Variants in KIAA1549 observed in about 807,000 individuals in gnomAD.
The protein encoded by KIAA1549 is KIAA1549, also known as UPF0606 protein KIAA1549.
A neutral mutation model predicts 156.4 loss-of-function variants in KIAA1549; 70 were observed. The observed-to-expected ratio is 0.45, with a 90% CI of 0.37 to 0.55. The LOEUF (loss-of-function observed/expected upper bound fraction) is 0.55, where lower values mean the gene tolerates loss of function less well. Ranked by LOEUF, KIAA1549 falls within the 20% of genes least tolerant of loss-of-function variation. The pLI is 0.00. For missense variants in KIAA1549, 2,428 were observed against 2,540.9 expected (o/e 0.96, Z 0.96); for synonymous variants, 1,103 against 1,066.4 (o/e 1.03, Z -0.67).
At chr7:138,868,276 C>G (rs1007671598) in intron 14 of KIAA1549, 148 bp from the exon 15 acceptor site, 2 of 750,952 alleles carry the variant, frequency 2.7e-6, no homozygotes, top group Non-Finnish European at 4.4e-6. Flanking sequence ...GAGACAGTCT[C>G]TGCTCTAAGG....
chr7:138,888,227 G>C (rs1222236944), intron 10 of KIAA1549, among the ~76,000 whole-genome samples: 1 of 152,022 alleles, frequency 6.6e-6, no homozygotes, highest in Non-Finnish European at 1.5e-5. Context: ...TGTATTAAAA[G>C]GAAAAAGGGG....
At chr7:138,895,044 T>A (rs903716748) in intron 9 of KIAA1549, among the ~76,000 whole-genome samples, 2 of 152,218 alleles carry the variant, frequency 1.3e-5, no homozygotes, top group African/African-American at 4.8e-5. Context: ...CCTTCATCTC[T>A]TTCTCCCTTC....
At position 138,917,733 on chromosome 7, in the gene KIAA1549, C is replaced by A. The variant is rs1331337813; in HGVS notation, c.1893G>T (p.Pro631=). The A allele has an allele frequency of 6.3e-7, 1 of 1,590,048 alleles. No individual in the cohort carries two copies. The highest frequency in any genetic ancestry group is 1.3e-5 in the African/African-American group (1 of 74,302). Residue 631 remains proline, a synonymous_variant, in exon 2 of 20, where the codon CCG becomes CCT. Transcript: ENST00000422774. ...DFASSFFSTP[P]LELSGSISSP... is the part of the protein sequence containing the mutation. ...AAGAGATGGAGCCGCTGAGTTCCAG[C>A]GGGGGTGTTGAGAAAAAGCTGGATG...
chr7:138,890,062 T>C (rs1471000685), intron 10 of KIAA1549, among the ~76,000 whole-genome samples: 1 of 152,190 alleles, frequency 6.6e-6, no homozygotes, highest in Non-Finnish European at 1.5e-5. Context: ...AGGACCGAGT[T>C]ATTTCTGAAG....
intron 1 of KIAA1549, among the ~76,000 whole-genome samples, chr7:138,950,052 G>A (rs934928054): frequency 7.2e-5 from 11 of 152,214 alleles, no homozygotes; most frequent in African/African-American, 2.7e-4. Context: ...GTGTTAAAAC[G>A]TGTGTATGGC....
chr7:138,872,917 A>G (rs558739525), intron 12 of KIAA1549, among the ~76,000 whole-genome samples: 1 of 152,274 alleles, frequency 6.6e-6, no homozygotes, highest in African/African-American at 2.4e-5. Flanking sequence ...ACCCCCGCCA[A>G]AAAAAGATCA....
chr7:138,856,290 G>A (rs541509210), intron 16 of KIAA1549, among the ~76,000 whole-genome samples: 2 of 151,080 alleles, frequency 1.3e-5, no homozygotes, highest in South Asian at 2.1e-4. Context: ...CACCCACATC[G>A]GCCTCCCACA....
intron 10 of KIAA1549, among the ~76,000 whole-genome samples, chr7:138,891,609 A>T (rs1584734632): frequency 6.6e-6 from 1 of 152,204 alleles, no homozygotes; most frequent in Admixed American, 6.5e-5. Flanking sequence ...AGACAATCTG[A>T]AGAGGTTTCC....
chr7:138,919,118 G>A lies in KIAA1549; in HGVS notation c.508C>T (p.Arg170Trp), dbSNP rs749148217. 17 of 1,613,914 alleles carry A rather than the reference G, an allele frequency of 1.1e-5. No individual in the cohort carries two copies. The highest frequency in any genetic ancestry group is 1.6e-4 in the Middle Eastern group (1 of 6,084). Residue 170 changes from arginine to tryptophan, a missense_variant, in exon 2 of 20, where the codon CGG becomes TGG. Around this residue, in one of 5 missense-constraint regions of KIAA1549, gnomAD observed 893 missense variants for 847.9 expected, o/e 1.05. Transcript: ENST00000422774. ...FLPDTHWTTP[R>W]MVSPIQYITV... ...ATATACTGTATTGGAGAAACCATCC[G>A]TGGAGTGGTCCAGTGAGTATCTGGC...
At chr7:138,975,693 G>T (rs1814356331) in intron 1 of KIAA1549, among the ~76,000 whole-genome samples, 1 of 152,148 alleles carries the variant, frequency 6.6e-6, no homozygotes, top group African/African-American at 2.4e-5. Context: ...ACAAGAAAAA[G>T]AAATCACATC....
intron 1 of KIAA1549, among the ~76,000 whole-genome samples, chr7:138,958,983 T>C (rs1042950231): frequency 6.6e-6 from 1 of 152,104 alleles, no homozygotes; most frequent in Non-Finnish European, 1.5e-5. Flanking sequence ...CACTGCAACA[T>C]CCGCCTCCCA....
rs114882411 is a variant in KIAA1549 at position 138,906,047 on chromosome 7, G to A, written c.3460+872C>T. On this transcript the variant is annotated intron_variant, in intron 6 of 19. Transcript: ENST00000422774. ...CTAAATTATGCCTTTTCCAGAATTCGTGTACTTTTTGATAGCACCCCTTTA... is the reference window on the plus strand; with the variant it reads ...CTAAATTATGCCTTTTCCAGAATTCATGTACTTTTTGATAGCACCCCTTTA... 4.7e-3 allele frequency among the ~76,000 whole-genome samples: 708 copies of A among 152,196 alleles called. 6 individuals carry two copies. The highest frequency in any genetic ancestry group is 0.016 in the African/African-American group (660 of 41,518).
At chr7:138,871,745 C>T (rs1000960001) in intron 12 of KIAA1549, among the ~76,000 whole-genome samples, 1 of 152,312 alleles carries the variant, frequency 6.6e-6, no homozygotes, top group East Asian at 1.9e-4. Flanking sequence ...ACATTTATAG[C>T]GGCTCTGAAC....
rs1041357237 is a variant in KIAA1549, at chr7:138,837,790, T to C, written c.*116A>G. 2.3e-5 allele frequency: 29 copies of C among 1,247,460 alleles called. No individual in the cohort carries two copies. The Admixed American group carries it at 2.8e-4, about 12-fold the overall frequency. 77.3% of individuals were successfully genotyped at this position (1,247,460 alleles called of 1,614,324 possible). Reference sequence around the variant, plus strand: ...CTAAATTGCAACTTGCTCCCTCCCTTGGGCAGGCTGCCCGAGAGTTGCTCC... The same window carrying C: ...CTAAATTGCAACTTGCTCCCTCCCTCGGGCAGGCTGCCCGAGAGTTGCTCC... On this transcript the variant is annotated 3_prime_UTR_variant, in exon 20 of 20. Coordinates refer to ENST00000422774, the MANE Select transcript of KIAA1549 (RefSeq NM_001164665.2).
At chr7:138,858,466 G>T (rs1210850361) in intron 16 of KIAA1549, among the ~76,000 whole-genome samples, 3 of 152,026 alleles carry the variant, frequency 2.0e-5, no homozygotes, top group African/African-American at 7.2e-5. Flanking sequence ...ATTTGATGCA[G>T]ACATTATTAA....
intron 7 of KIAA1549, 70 bp downstream of exon 7, chr7:138,904,952 T>A: frequency 1.1e-6 from 1 of 908,670 alleles, no homozygotes. Flanking sequence ...AAAGGCAGCA[T>A]CATTCTCAAT....
rs558220105 is a variant in KIAA1549, at chr7:138,958,227, G to A, written c.187+22856C>T. On this transcript the variant is annotated intron_variant, in intron 1 of 19. Coordinates refer to ENST00000422774, the MANE Select transcript of KIAA1549 (RefSeq NM_001164665.2). ...CATCTGCGGGTTCAGCCTGCCTGGC[G>A]CCCACGCCCACCCCAGTCTTGCCTT... Among the ~76,000 whole-genome samples, 8 of 143,648 alleles carry A rather than the reference G, an allele frequency of 5.6e-5. No homozygotes were observed. The South Asian group carries it at 8.8e-4, about 16-fold the overall frequency. The allele number at this position is 143,648 out of a possible 152,430, so 94.2% of individuals were successfully genotyped here. A position where few individuals can be genotyped will look rare whatever the true frequency, so the allele number is the denominator to read the frequency against.
intron 1 of KIAA1549, among the ~76,000 whole-genome samples, chr7:138,943,645 C>T (rs564527863): frequency 2.0e-5 from 3 of 152,050 alleles, no homozygotes; most frequent in Admixed American, 6.6e-5. Flanking sequence ...GTCAGGAGAT[C>T]GAGACCATCC....
At chr7:138,974,105 A>T (rs560846965) in intron 1 of KIAA1549, among the ~76,000 whole-genome samples, 1 of 152,138 alleles carries the variant, frequency 6.6e-6, no homozygotes, top group African/African-American at 2.4e-5. Flanking sequence ...GACATTTCTC[A>T]AAAGAGACAC....
Sources: gnomAD v4.1 joint callset for allele counts (sites outside exome capture counted in the v4.1 genomes callset) on GRCh38, gnomAD v4.1.1 for gene constraint, gnomAD v4.1.1 regional missense constraint, MANE v1.5 for transcripts, NCBI Gene and HGNC (gene_info 2026-07-23, HGNC 2026-07-21) for gene names.